Variants in LYPLAL1 observed in about 807,000 individuals in gnomAD.
LYPLAL1 encodes lysophospholipase-like protein 1.
LYPLAL1 carries 23 observed loss-of-function variants against 19.7 expected under a neutral mutation model. The ratio of observed to expected loss-of-function variants is 1.17; its 90% CI spans 0.84 to 1.65. The LOEUF is 1.65. Among genes scored for constraint, LYPLAL1 ranks in the 40% most tolerant of loss-of-function variants. The pLI is 0.00. For missense variants in LYPLAL1, 355 were observed against 279.4 expected, an observed-to-expected ratio of 1.27 and a Z score of -1.93; for synonymous variants, 119 against 96.3, an observed-to-expected ratio of 1.24 and a Z score of -1.38.
the LYPLAL1 span, among the ~76,000 whole-genome samples, chr1:219,371,140 C>T: frequency 0.13 from 19,515 of 152,072 alleles, 1,434 homozygotes; most frequent in African/African-American, 0.21. Flanking sequence ...ATATTTGTCA[C>T]GAAATATTGG....
chr1:219,400,355 G>A, the LYPLAL1 span, among the ~76,000 whole-genome samples: 1 of 152,036 alleles, frequency 6.6e-6, no homozygotes. Context: ...GTTAAAGAAT[G>A]TGTCACCCAG....
the LYPLAL1 span, among the ~76,000 whole-genome samples, chr1:219,415,428 A>G: frequency 1.4e-4 from 21 of 152,242 alleles, no homozygotes; most frequent in Non-Finnish European, 2.6e-4. Flanking sequence ...GCAAGTGTAT[A>G]AAATTATTCA....
chr1:219,370,247 A>C, the LYPLAL1 span, among the ~76,000 whole-genome samples: 1 of 152,002 alleles, frequency 6.6e-6, no homozygotes, highest in African/African-American at 2.4e-5. Context: ...CCACCTCTCC[A>C]TTTATTTCAC....
chr1:219,191,409 T>C (rs183714808), intron 2 of LYPLAL1, among the ~76,000 whole-genome samples: 137 of 151,690 alleles, frequency 9.0e-4, no homozygotes, highest in African/African-American at 3.2e-3. Context: ...TCATAGGATA[T>C]AATATAGCCA....
chr1:219,419,771 A>T, the LYPLAL1 span, among the ~76,000 whole-genome samples: 1 of 152,156 alleles, frequency 6.6e-6, no homozygotes, highest in African/African-American at 2.4e-5. Flanking sequence ...GTGTCCCAGG[A>T]CATCACCAAC....
At chr1:219,241,134 C>CTCTTTATATATATA in the LYPLAL1 span, among the ~76,000 whole-genome samples, 1 of 44,358 alleles carries the variant, frequency 2.3e-5, no homozygotes, top group Non-Finnish European at 4.3e-5. Flanking sequence ...CTCTCTCTCT[C>CTCTTTATATATATA]TATATATATA....
chr1:219,190,072 G>A (rs995591409), intron 2 of LYPLAL1, among the ~76,000 whole-genome samples: 3 of 151,534 alleles, frequency 2.0e-5, no homozygotes, highest in Admixed American at 6.6e-5. Flanking sequence ...AATAGATAAA[G>A]AGATTAGTGG....
At chr1:219,222,890 G>T in the LYPLAL1 span, 1 of 152,122 alleles carries the variant, frequency 6.6e-6, no homozygotes, top group African/African-American at 2.4e-5. Context: ...ACACATTGTG[G>T]AATGGAGAAG....
chr1:219,421,610 G>A, the LYPLAL1 span, among the ~76,000 whole-genome samples: 1 of 152,122 alleles, frequency 6.6e-6, no homozygotes, highest in Non-Finnish European at 1.5e-5. Flanking sequence ...TTCCAAAGAT[G>A]TTTGTTCATC....
At chr1:219,227,377 T>C in the LYPLAL1 span, among the ~76,000 whole-genome samples, 1 of 152,230 alleles carries the variant, frequency 6.6e-6, no homozygotes, top group African/African-American at 2.4e-5. Flanking sequence ...ATATTGTGTT[T>C]TTCCTGGCTA....
the LYPLAL1 span, among the ~76,000 whole-genome samples, chr1:219,353,998 C>T: frequency 2.6e-5 from 4 of 152,018 alleles, no homozygotes; most frequent in African/African-American, 7.2e-5. Context: ...TACATAATAA[C>T]AGATTAGACA....
chr1:219,421,319 A>G, the LYPLAL1 span, among the ~76,000 whole-genome samples: 2 of 152,190 alleles, frequency 1.3e-5, no homozygotes, highest in African/African-American at 4.8e-5. Flanking sequence ...TTTTCAGGGT[A>G]AAAGTCATTG....
chr1:219,331,905 G>C, the LYPLAL1 span, among the ~76,000 whole-genome samples: 1 of 152,024 alleles, frequency 6.6e-6, no homozygotes. Context: ...ACCGCTTCTG[G>C]GGCATTACTA....
chr1:219,185,153 T>G (rs1466678898), intron 2 of LYPLAL1, among the ~76,000 whole-genome samples: 1 of 152,090 alleles, frequency 6.6e-6, no homozygotes, highest in Non-Finnish European at 1.5e-5. Context: ...TCATGAAATT[T>G]GTATCTTTTT....
chr1:219,204,926 A>G (rs1292627490), intron 3 of LYPLAL1, among the ~76,000 whole-genome samples: 1 of 152,148 alleles, frequency 6.6e-6, no homozygotes, highest in African/African-American at 2.4e-5. Context: ...GAATTTTGAT[A>G]ATATAAGCAT....
the LYPLAL1 span, among the ~76,000 whole-genome samples, chr1:219,414,090 G>A: frequency 2.0e-5 from 3 of 152,266 alleles, no homozygotes; most frequent in Admixed American, 6.5e-5. Context: ...GATGGCTGAG[G>A]GGGAAGGATG....
At chr1:219,340,033 A>G in the LYPLAL1 span, among the ~76,000 whole-genome samples, 2 of 152,068 alleles carry the variant, frequency 1.3e-5, no homozygotes, top group Non-Finnish European at 2.9e-5. Flanking sequence ...TCAAAAGTAT[A>G]TGCATGGAAA....
the LYPLAL1 span, among the ~76,000 whole-genome samples, chr1:219,377,354 G>C: frequency 6.6e-6 from 1 of 152,174 alleles, no homozygotes; most frequent in Non-Finnish European, 1.5e-5. Flanking sequence ...TGGGGAGTTA[G>C]TGTTTAATGG....
chr1:219,422,152 T>G, the LYPLAL1 span, among the ~76,000 whole-genome samples: 1 of 152,226 alleles, frequency 6.6e-6, no homozygotes, highest in Admixed American at 6.5e-5. Flanking sequence ...AGAAGATGTT[T>G]TCTGTAAAAG....
Sources: gnomAD v4.1 joint callset for allele counts (sites outside exome capture counted in the v4.1 genomes callset) on GRCh38, gnomAD v4.1.1 for gene constraint, MANE v1.5 for transcripts, NCBI Gene and HGNC (gene_info 2026-07-23, HGNC 2026-07-21) for gene names.